RAB7A: variants seen among roughly 807,000 people sequenced by gnomAD.
The protein encoded by RAB7A is RAB7A, member RAS oncogene family.
Under a neutral mutation model 24.5 loss-of-function variants are expected in RAB7A, and 2 were observed. The ratio of observed to expected loss-of-function variants is 0.08; its 90% CI spans 0.03 to 0.26. The LOEUF is 0.26. Among genes scored for constraint, RAB7A ranks in the 10% least tolerant of loss-of-function variants. The probability of loss-of-function intolerance (pLI) is 1.00; values close to 1 mark genes in which losing one functional copy is unlikely to be tolerated. For synonymous variants in RAB7A, 100 were observed against 95.9 expected, an observed-to-expected ratio of 1.04 and a Z score of -0.25; for missense variants, 118 against 255.7, an observed-to-expected ratio of 0.46 and a Z score of 3.67.
intron 1 of RAB7A, among the ~76,000 whole-genome samples, chr3:128,794,015 C>T (rs1244078027): frequency 6.6e-6 from 1 of 152,208 alleles, no homozygotes; most frequent in African/African-American, 2.4e-5. Flanking sequence ...CGTAGGCCTT[C>T]TTAGCAAATC....
chr3:128,775,307 C>T (rs1028294457), intron 1 of RAB7A, among the ~76,000 whole-genome samples: 2 of 152,188 alleles, frequency 1.3e-5, no homozygotes, highest in African/African-American at 4.8e-5. Context: ...TTCTGTTGAG[C>T]CCCATTGTCT....
intron 1 of RAB7A, among the ~76,000 whole-genome samples, chr3:128,770,956 A>G (rs2070879503): frequency 1.3e-5 from 2 of 152,046 alleles, no homozygotes; most frequent in South Asian, 4.2e-4. Context: ...TTTAAATGTT[A>G]AGAAAGGGAA....
intron 3 of RAB7A, 58 bp from the exon 4 acceptor site, chr3:128,806,314 A>C: frequency 6.7e-7 from 1 of 1,501,860 alleles, no homozygotes; most frequent in South Asian, 1.1e-5. Context: ...CCTTGCATAC[A>C]TGCTCCTGGT....
chr3:128,792,572 A>AT (rs1197933719), intron 1 of RAB7A, among the ~76,000 whole-genome samples: 1 of 148,882 alleles, frequency 6.7e-6, no homozygotes, highest in African/African-American at 2.5e-5. Flanking sequence ...ACACCCAGCT[A>AT]TTTTTTTGTG....
At chr3:128,798,422 T>G (rs1933622621) in intron 3 of RAB7A, 2 of 276,812 alleles carry the variant, frequency 7.2e-6, no homozygotes, top group African/African-American at 4.4e-5. Context: ...GCCCAGTGCT[T>G]TAGGTAAACA....
At chr3:128,747,588 T>TAATGA (rs765315312) in intron 1 of RAB7A, among the ~76,000 whole-genome samples, 51 of 150,882 alleles carry the variant, frequency 3.4e-4, no homozygotes, top group Non-Finnish European at 6.5e-4. Context: ...CTCCATGAAA[T>TAATGA]AATGAAATGA....
At chr3:128,794,789 C>T (rs1933531877) in intron 1 of RAB7A, among the ~76,000 whole-genome samples, 1 of 151,866 alleles carries the variant, frequency 6.6e-6, no homozygotes, top group Non-Finnish European at 1.5e-5. Flanking sequence ...AGACGGTACC[C>T]AACATTTAAT....
At chr3:128,800,045 A>G (rs531457613) in intron 3 of RAB7A, among the ~76,000 whole-genome samples, 4 of 152,372 alleles carry the variant, frequency 2.6e-5, no homozygotes, top group South Asian at 4.1e-4. Context: ...AAAACATAGT[A>G]TTGAAATAAG....
chr3:128,755,815 C>T (rs941803547), intron 1 of RAB7A, among the ~76,000 whole-genome samples: 13 of 152,072 alleles, frequency 8.5e-5, no homozygotes, highest in South Asian at 8.3e-4. Context: ...ATGTGCACAA[C>T]GTGCAGGTTA....
At chr3:128,744,475 T>C (rs956447514) in intron 1 of RAB7A, among the ~76,000 whole-genome samples, 1 of 152,230 alleles carries the variant, frequency 6.6e-6, no homozygotes, top group Non-Finnish European at 1.5e-5. Flanking sequence ...TGAAATATGA[T>C]GCATTATTAT....
At chr3:128,765,962 A>G (rs1452318880) in intron 1 of RAB7A, among the ~76,000 whole-genome samples, 2 of 151,914 alleles carry the variant, frequency 1.3e-5, no homozygotes, top group African/African-American at 4.8e-5. Context: ...GAGTTTCACC[A>G]TGTTGGCCAG....
At chr3:128,757,522 C>G (rs1265522081) in intron 1 of RAB7A, among the ~76,000 whole-genome samples, 1 of 149,434 alleles carries the variant, frequency 6.7e-6, no homozygotes, top group Non-Finnish European at 1.5e-5. Context: ...ATTTTAAAAA[C>G]AATTTTTTTT....
At chr3:128,733,178 GC>G in intron 1 of RAB7A, among the ~76,000 whole-genome samples, 1 of 152,248 alleles carries the variant, frequency 6.6e-6, no homozygotes, top group Middle Eastern at 3.4e-3. Context: ...AAACCCAGAG[GC>G]CCTCTTAGTC....
At chr3:128,753,358 G>A (rs1047381158) in intron 1 of RAB7A, among the ~76,000 whole-genome samples, 1 of 149,470 alleles carries the variant, frequency 6.7e-6, no homozygotes, top group Admixed American at 6.7e-5. Context: ...AGCAGATAGA[G>A]GATGAAGGGG....
intron 5 of RAB7A, 142 bp from the exon 6 acceptor site, chr3:128,813,183 CTG>C: frequency 2.5e-6 from 2 of 809,928 alleles, no homozygotes; most frequent in Admixed American, 3.4e-5. Flanking sequence ...GCTCCCTTAA[CTG>C]TGTGGGCAGG....
At chr3:128,749,259 A>G (rs941909266) in intron 1 of RAB7A, 1 of 152,176 alleles carries the variant, frequency 6.6e-6, no homozygotes, top group African/African-American at 2.4e-5. Context: ...ACTAAATATA[A>G]TGTTTCTGTT....
intron 1 of RAB7A, among the ~76,000 whole-genome samples, chr3:128,742,594 C>A (rs770766773): frequency 6.6e-6 from 1 of 152,026 alleles, no homozygotes; most frequent in Non-Finnish European, 1.5e-5. Flanking sequence ...TTCTCCAAGT[C>A]CCCACTAGAT....
At chr3:128,770,707 T>C (rs535658659) in intron 1 of RAB7A, among the ~76,000 whole-genome samples, 1 of 152,268 alleles carries the variant, frequency 6.6e-6, no homozygotes, top group East Asian at 1.9e-4. Context: ...ATTGTCTCTG[T>C]GACTTATAGT....
chr3:128,783,433 G>T (rs1228328346), intron 1 of RAB7A, among the ~76,000 whole-genome samples: 1 of 151,952 alleles, frequency 6.6e-6, no homozygotes, highest in Admixed American at 6.5e-5. Context: ...CAGGCTCCTG[G>T]GCAGAAAGGG....
Sources: gnomAD v4.1 joint callset for allele counts (sites outside exome capture counted in the v4.1 genomes callset) on GRCh38, gnomAD v4.1.1 for gene constraint, MANE v1.5 for transcripts, NCBI Gene and HGNC (gene_info 2026-07-23, HGNC 2026-07-21) for gene names.